Variants in CCDC102B observed in about 807,000 individuals in gnomAD.
CCDC102B encodes the protein coiled-coil domain containing 102B.
A neutral mutation model predicts 57.4 loss-of-function variants in CCDC102B; 75 were observed. The ratio of observed to expected loss-of-function variants is 1.31; its 90% CI spans 1.08 to 1.58. CCDC102B has a LOEUF of 1.58. Ranked by LOEUF, CCDC102B falls within the 40% of genes most tolerant of loss-of-function variation. CCDC102B has a pLI of 0.00. For synonymous variants in CCDC102B, 206 were observed against 201.9 expected, an observed-to-expected ratio of 1.02 and a Z score of -0.17; for missense variants, 636 against 582.6, an observed-to-expected ratio of 1.09 and a Z score of -0.94.
At chr18:68,937,329 T>G (rs1020095351) in intron 6 of CCDC102B, among the ~76,000 whole-genome samples, 3 of 152,070 alleles carry the variant, frequency 2.0e-5, no homozygotes, top group Non-Finnish European at 1.5e-5. Context: ...AAAAGATACT[T>G]GTTCACAGAA....
chr18:68,769,800 A>T (rs1267410336), intron 2 of CCDC102B, among the ~76,000 whole-genome samples: 1 of 152,296 alleles, frequency 6.6e-6, no homozygotes, highest in African/African-American at 2.4e-5. Flanking sequence ...GGCTGTAGAG[A>T]TAGAATGGGA....
chr18:68,716,805 G>A (rs761052663), intron 2 of CCDC102B, among the ~76,000 whole-genome samples: 37 of 151,700 alleles, frequency 2.4e-4, no homozygotes, highest in East Asian at 2.1e-3. Flanking sequence ...GTGGCCTGGC[G>A]CGGTGGCTTA....
intron 1 of CCDC102B, among the ~76,000 whole-genome samples, chr18:68,808,606 T>G (rs1280653618): frequency 6.6e-6 from 1 of 151,214 alleles, no homozygotes; most frequent in Non-Finnish European, 1.5e-5. Flanking sequence ...GCCTCCCGAG[T>G]AGCTGGGACT....
At chr18:68,899,003 G>T (rs1198029752) in intron 6 of CCDC102B, among the ~76,000 whole-genome samples, 1 of 151,940 alleles carries the variant, frequency 6.6e-6, no homozygotes, top group Non-Finnish European at 1.5e-5. Flanking sequence ...ATTTGGGCTG[G>T]GACTAAGCAG....
chr18:68,817,758 T>C (rs974345198), intron 1 of CCDC102B, among the ~76,000 whole-genome samples: 5 of 152,172 alleles, frequency 3.3e-5, no homozygotes, highest in Non-Finnish European at 4.4e-5. Flanking sequence ...TGAGACTTGC[T>C]AAAGGCTTTC....
intron 2 of CCDC102B, among the ~76,000 whole-genome samples, chr18:68,729,628 A>G (rs1021032816): frequency 2.0e-5 from 3 of 152,244 alleles, no homozygotes; most frequent in Non-Finnish European, 4.4e-5. Flanking sequence ...ATTTGGGTCC[A>G]AACCCTACAC....
rs538142667 is a variant in CCDC102B, at chr18:68,957,605, T to C, written c.1264-53329T>C. On this transcript the variant is annotated intron_variant, in intron 6 of 7. Transcript: ENST00000360242. ...ATGGCTTTGTCTGTTATTGGTCTTT[T>C]GTGGTTCCATATGAGTTTTAGAATT... Among the ~76,000 whole-genome samples the C allele has an allele frequency of 1.7e-3, 259 of 151,882 alleles. 1 individual carries two copies. Among genetic ancestry groups the C allele is most frequent in the Non-Finnish European group, 3.3e-3 (223 of 67,970 alleles).
chr18:68,897,098 T>C (rs899850527), intron 5 of CCDC102B, 121 bp from the exon 6 acceptor site: 20 of 705,604 alleles, frequency 2.8e-5, no homozygotes, highest in Non-Finnish European at 4.0e-5. Context: ...AATTTTCTTT[T>C]TAAAATTGTA....
intron 1 of CCDC102B, among the ~76,000 whole-genome samples, chr18:68,818,032 A>C (rs973986869): frequency 2.0e-5 from 3 of 152,222 alleles, no homozygotes; most frequent in Non-Finnish European, 4.4e-5. Context: ...TTTCATTACT[A>C]TTTTGTATTT....
At chr18:68,870,969 TA>T (rs2144918392) in intron 4 of CCDC102B, among the ~76,000 whole-genome samples, 1 of 152,334 alleles carries the variant, frequency 6.6e-6, no homozygotes, top group South Asian at 2.1e-4. Context: ...TTTTGTTTCT[TA>T]GACATCGTCT....
chr18:69,010,503 C>T (rs116231077), intron 6 of CCDC102B, among the ~76,000 whole-genome samples: 1 of 152,016 alleles, frequency 6.6e-6, no homozygotes, highest in African/African-American at 2.4e-5. Flanking sequence ...AACAACATGA[C>T]TACAGCCTCA....
intron 1 of CCDC102B, among the ~76,000 whole-genome samples, chr18:68,806,919 A>G (rs1182585955): frequency 6.6e-6 from 1 of 152,148 alleles, no homozygotes; most frequent in Non-Finnish European, 1.5e-5. Flanking sequence ...TTCCCTAACT[A>G]CATCTGATAG....
chr18:68,946,013 G>A (rs1470236372), intron 6 of CCDC102B, among the ~76,000 whole-genome samples: 1 of 151,824 alleles, frequency 6.6e-6, no homozygotes, highest in Non-Finnish European at 1.5e-5. Flanking sequence ...TTGTGGCTTA[G>A]TGGTTTAGTT....
chr18:68,840,890 A>C (rs1425622255), intron 3 of CCDC102B, among the ~76,000 whole-genome samples: 4 of 152,222 alleles, frequency 2.6e-5, no homozygotes, highest in Non-Finnish European at 5.9e-5. Flanking sequence ...AACAATTCTC[A>C]GAGTAAGTAC....
At chr18:68,937,018 CACA>C (rs1199982799) in intron 6 of CCDC102B, among the ~76,000 whole-genome samples, 4 of 151,926 alleles carry the variant, frequency 2.6e-5, no homozygotes, top group Non-Finnish European at 5.9e-5. Context: ...AGCCTCTGAT[CACA>C]ACATTTTGCC....
At chr18:68,987,121 T>C (rs2050744585) in intron 6 of CCDC102B, among the ~76,000 whole-genome samples, 1 of 152,100 alleles carries the variant, frequency 6.6e-6, no homozygotes, top group South Asian at 2.1e-4. Context: ...AAAGCAACCC[T>C]AAGTGAAAAG....
chr18:69,056,636 A>AATAGATAGATAGATAG (rs71176933), downstream of CCDC102B, among the ~76,000 whole-genome samples: 8 of 122,030 alleles, frequency 6.6e-5, no homozygotes, highest in South Asian at 2.8e-4. Context: ...ATAGATAGAT[A>AATAGATAGATAGATAG]ATAGATAGAT....
chr18:68,986,158 A>G (rs1177074196), intron 6 of CCDC102B, among the ~76,000 whole-genome samples: 2 of 152,124 alleles, frequency 1.3e-5, no homozygotes, highest in Admixed American at 1.3e-4. Flanking sequence ...TTCTGTGACA[A>G]CAGCATCAGC....
chr18:68,941,401 G>A (rs9965063), intron 6 of CCDC102B, among the ~76,000 whole-genome samples: 1,695 of 151,998 alleles, frequency 0.011, 39 homozygotes, highest in African/African-American at 0.039. Flanking sequence ...TTGAGTACAG[G>A]GTGAAAGCTA....
Sources: allele counts gnomAD v4.1 joint callset (sites outside exome capture counted in the v4.1 genomes callset), GRCh38; gene constraint gnomAD v4.1.1; transcripts MANE v1.5; gene names NCBI Gene and HGNC (gene_info 2026-07-23, HGNC 2026-07-21).